Variants in VGLL4 observed in about 807,000 individuals in gnomAD.
The protein encoded by VGLL4 is vestigial like family member 4.
A neutral mutation model predicts 21.0 loss-of-function variants in VGLL4; 7 were observed. The ratio of observed to expected loss-of-function variants is 0.33; its 90% CI spans 0.19 to 0.63. The LOEUF (loss-of-function observed/expected upper bound fraction) is 0.63. VGLL4 is among the 20% of genes least tolerant of loss of function. The pLI is 0.78. For synonymous variants in VGLL4, 222 were observed against 173.2 expected (o/e 1.28, Z -2.21); for missense variants, 394 against 425.7 (o/e 0.93, Z 0.66).
chr3:11,715,522 C>T (rs540614911), intron 1 of VGLL4, among the ~76,000 whole-genome samples: 11 of 152,094 alleles, frequency 7.2e-5, no homozygotes, highest in African/African-American at 1.7e-4. Context: ...TTAGTAGAGA[C>T]GGGGTTTCAC....
chr3:11,579,027 C>T (rs546920893), intron 2 of VGLL4, among the ~76,000 whole-genome samples: 2 of 152,148 alleles, frequency 1.3e-5, no homozygotes, highest in Admixed American at 6.5e-5. Flanking sequence ...GGATTACAGG[C>T]GTGAGCCACT....
At chr3:11,630,390 A>C (rs1263915631) in intron 1 of VGLL4, among the ~76,000 whole-genome samples, 1 of 152,134 alleles carries the variant, frequency 6.6e-6, no homozygotes. Context: ...CACACCTGTA[A>C]CCCCAGCACT....
chr3:11,595,844 GGGGGGC>G (rs2125253680), intron 2 of VGLL4, among the ~76,000 whole-genome samples: 1 of 18,786 alleles, frequency 5.3e-5, no homozygotes, highest in Non-Finnish European at 1.4e-4. Context: ...TGTGGTGTGG[GGGGGGC>G]GGGGAATAGC....
At chr3:11,674,244 T>C (rs2076258195) in intron 2 of VGLL4, among the ~76,000 whole-genome samples, 1 of 152,078 alleles carries the variant, frequency 6.6e-6, no homozygotes, top group African/African-American at 2.4e-5. Context: ...TCTTCCAGCA[T>C]GGAAGAGTGA....
At chr3:11,682,335 G>A (rs1029743948) in intron 2 of VGLL4, among the ~76,000 whole-genome samples, 14 of 150,786 alleles carry the variant, frequency 9.3e-5, no homozygotes, top group African/African-American at 3.4e-4. Flanking sequence ...AACCCGGGAG[G>A]TGGAGGTTGC....
At chr3:11,594,904 G>T (rs1027769920) in intron 2 of VGLL4, among the ~76,000 whole-genome samples, 4 of 152,272 alleles carry the variant, frequency 2.6e-5, no homozygotes, top group African/African-American at 9.6e-5. Flanking sequence ...GCTCACGCCA[G>T]TAATCCCAGC....
At chr3:11,585,847 C>T (rs1220374352) in intron 2 of VGLL4, among the ~76,000 whole-genome samples, 2 of 152,112 alleles carry the variant, frequency 1.3e-5, no homozygotes, top group African/African-American at 4.8e-5. Flanking sequence ...ACAGAGGAAC[C>T]ACACATATCC....
rs148625893 is a variant in VGLL4 at position 11,585,475 on chromosome 3, T to C, written c.272+16358A>G. Among the ~76,000 whole-genome samples, 50 of 150,782 alleles carry C rather than the reference T, an allele frequency of 3.3e-4. 1 individual carries two copies. Among genetic ancestry groups the C allele is most frequent in the African/African-American group, 1.2e-3 (50 of 41,068 alleles). On this transcript the variant is annotated intron_variant, in intron 2 of 4. Transcript: ENST00000430365. ...AGAGAGAGAGGGAGAGAGACTTCAATGGAGCCTTGAATGAATTATTTATAA... is the reference window on the plus strand; with the variant it reads ...AGAGAGAGAGGGAGAGAGACTTCAACGGAGCCTTGAATGAATTATTTATAA...
intron 2 of VGLL4, among the ~76,000 whole-genome samples, chr3:11,651,670 G>A (rs6442272): frequency 0.69 from 104,079 of 151,718 alleles, 35,777 homozygotes; most frequent in Admixed American, 0.75. Flanking sequence ...AAGCTGCTGA[G>A]TTAAAGGAGA....
chr3:11,560,368 G>A (rs966200009), intron 3 of VGLL4, among the ~76,000 whole-genome samples: 4 of 152,228 alleles, frequency 2.6e-5, no homozygotes, highest in Admixed American at 6.5e-5. Context: ...GGACAAGGTG[G>A]TGGAGTATGT....
At position 11,636,923 on chromosome 3, in the gene VGLL4, G is replaced by A. The variant is rs137911125; in HGVS notation, c.82+6514C>T. ...GTATATAATGTCTGTATATCCCACA[G>A]CCAAGAGTTCTCACACTCAAAGAGA... On this transcript the variant is annotated intron_variant, in intron 1 of 4. Coordinates refer to ENST00000430365, the MANE Select transcript of VGLL4 (RefSeq NM_001128219.3). 5.8e-3 allele frequency among the ~76,000 whole-genome samples: 881 copies of A among 152,256 alleles called. 8 individuals are homozygous for A. Among genetic ancestry groups the A allele is most frequent in the African/African-American group, 0.02 (818 of 41,546 alleles).
intron 2 of VGLL4, among the ~76,000 whole-genome samples, chr3:11,588,828 G>T (rs1223906353): frequency 6.6e-6 from 1 of 152,204 alleles, no homozygotes; most frequent in Non-Finnish European, 1.5e-5. Context: ...CTGAATTTAG[G>T]GCACACATAC....
Position 11,568,599 on chromosome 3 carries a change from A to G in VGLL4, c.273-3580T>C. The G allele has an allele frequency of 1.3e-6, 2 of 1,566,054 alleles. No individual in the cohort carries two copies. The highest frequency in any genetic ancestry group is 1.7e-4 in the Middle Eastern group (1 of 6,010). ...GTTAATTTTAGTAAAATTATACATTACTCACATTTCCAGCTCATTTTCCTG... is the reference window on the plus strand; with the variant it reads ...GTTAATTTTAGTAAAATTATACATTGCTCACATTTCCAGCTCATTTTCCTG... On this transcript the variant is annotated intron_variant, in intron 2 of 4. Transcript: ENST00000430365. This position sits in a 1 kb window ranked among gnomAD's most constrained non-coding sequence, Gnocchi z 5.9.
intron 1 of VGLL4, among the ~76,000 whole-genome samples, chr3:11,635,255 C>G (rs1162344398): frequency 6.6e-6 from 1 of 152,092 alleles, no homozygotes; most frequent in Non-Finnish European, 1.5e-5. Context: ...GGAACAAACA[C>G]AAGATTTAGG....
intron 1 of VGLL4, among the ~76,000 whole-genome samples, chr3:11,617,508 G>C (rs1032075125): frequency 6.6e-6 from 1 of 152,180 alleles, no homozygotes; most frequent in South Asian, 2.1e-4. Context: ...AACAGGGCAG[G>C]GACGCAAGCG....
Position 11,693,695 on chromosome 3 carries a change from A to G in VGLL4, c.64+9276T>C, listed in dbSNP as rs957960217. ...TCCTGTGGCAGCGTGCACCTGAGCCATCACACACACAAGAGGGCAGAGCCA... is the reference window on the plus strand; with the variant it reads ...TCCTGTGGCAGCGTGCACCTGAGCCGTCACACACACAAGAGGGCAGAGCCA... On this transcript the variant is annotated intron_variant, in intron 2 of 5. Coordinates refer to the VGLL4 transcript ENST00000273038. Among the ~76,000 whole-genome samples, 34 of 152,312 alleles carry G rather than the reference A, an allele frequency of 2.2e-4. 1 individual carries two copies. Among genetic ancestry groups the G allele is most frequent in the Admixed American group, 2.1e-3 (32 of 15,302 alleles).
chr3:11,677,105 T>A (rs1158897957), intron 2 of VGLL4, among the ~76,000 whole-genome samples: 1 of 152,224 alleles, frequency 6.6e-6, no homozygotes, highest in Non-Finnish European at 1.5e-5. Flanking sequence ...GTTTTCAGTA[T>A]TTTACAACAC....
intron 2 of VGLL4, among the ~76,000 whole-genome samples, chr3:11,601,033 G>A (rs948667381): frequency 6.6e-6 from 1 of 152,182 alleles, no homozygotes; most frequent in Admixed American, 6.5e-5. Flanking sequence ...GAAAACTGGG[G>A]AGAAGCCTCT....
chr3:11,682,470 C>G, intron 2 of VGLL4, among the ~76,000 whole-genome samples: 1 of 149,022 alleles, frequency 6.7e-6, no homozygotes, highest in East Asian at 2.0e-4. Context: ...CCCAGCTACT[C>G]AGGAGGCTGT....
Sources: gnomAD v4.1 joint callset for allele counts (sites outside exome capture counted in the v4.1 genomes callset) on GRCh38, gnomAD v4.1.1 for gene constraint, Gnocchi (gnomAD v3.1) non-coding constraint, MANE v1.5 for transcripts, NCBI Gene and HGNC (gene_info 2026-07-23, HGNC 2026-07-21) for gene names.